The following AHCY variants were observed in gnomAD, a reference collection of about 807,000 sequenced individuals.
AHCY encodes the protein adenosylhomocysteinase, also known as S-adenosyl-L-homocysteine hydrolase.
In AHCY, 24 loss-of-function variants were observed where a neutral mutation model predicts 45.4. The ratio of observed to expected loss-of-function variants is 0.53; its 90% CI spans 0.38 to 0.74. The LOEUF is 0.74. Ranked by LOEUF, AHCY falls within the 30% of genes least tolerant of loss-of-function variation. The pLI, the probability that AHCY is intolerant of heterozygous loss-of-function variation, is 0.00. For missense variants in AHCY, 449 were observed against 594.1 expected (o/e 0.76, Z 2.54); for synonymous variants, 245 against 235.1 (o/e 1.04, Z -0.39).
the AHCY span, chr20:34,245,872 AT>A: frequency 1.0e-6 from 1 of 972,184 alleles, no homozygotes; most frequent in East Asian, 4.3e-5. Context: ...AAATATATAT[AT>A]ATGTATATAT....
At chr20:34,306,695 A>C (rs2036899939), upstream of AHCY, among the ~76,000 whole-genome samples, 1 of 152,178 alleles carries the variant, frequency 6.6e-6, no homozygotes, top group African/African-American at 2.4e-5. Flanking sequence ...TGAACAGTTA[A>C]ACAAATTGGT....
At chr20:34,236,167 A>G in the AHCY span, among the ~76,000 whole-genome samples, 3 of 151,486 alleles carry the variant, frequency 2.0e-5, no homozygotes, top group Non-Finnish European at 4.4e-5. Context: ...GGGAGGGAAA[A>G]GAAAGAAAGA....
intron 4 of AHCY, among the ~76,000 whole-genome samples, chr20:34,291,936 T>C (rs933054737): frequency 1.1e-4 from 16 of 152,380 alleles, no homozygotes; most frequent in Admixed American, 1.0e-3. Flanking sequence ...CACTTTTCTA[T>C]TGGCCTATTA....
chr20:34,249,812 G>T, the AHCY span, among the ~76,000 whole-genome samples: 1 of 152,200 alleles, frequency 6.6e-6, no homozygotes, highest in South Asian at 2.1e-4. Flanking sequence ...TTCAGGGCCA[G>T]AGAACCCATT....
the AHCY span, chr20:34,269,264 G>A: frequency 2.9e-6 from 4 of 1,383,590 alleles, no homozygotes; most frequent in Non-Finnish European, 2.8e-6. Flanking sequence ...CAGGGCTGCA[G>A]GCGGGCGGAG....
At chr20:34,305,459 C>G (rs555347129), upstream of AHCY, among the ~76,000 whole-genome samples, 3 of 152,190 alleles carry the variant, frequency 2.0e-5, no homozygotes, top group South Asian at 4.1e-4. Context: ...CCTGAGGGAA[C>G]GAGGGTCCAC....
At chr20:34,255,564 T>A in the AHCY span, among the ~76,000 whole-genome samples, 1 of 152,156 alleles carries the variant, frequency 6.6e-6, no homozygotes. Context: ...AGAAATAGAT[T>A]ATAGATGTGA....
the AHCY span, among the ~76,000 whole-genome samples, chr20:34,242,843 G>A: frequency 6.6e-6 from 1 of 152,216 alleles, no homozygotes; most frequent in Non-Finnish European, 1.5e-5. Context: ...TGCTTAATGA[G>A]TGCTTGTGCA....
At chr20:34,291,884 C>T (rs1485262213) in intron 4 of AHCY, among the ~76,000 whole-genome samples, 2 of 152,228 alleles carry the variant, frequency 1.3e-5, no homozygotes, top group Admixed American at 6.5e-5. Flanking sequence ...ATCTTCTCAA[C>T]GCCCTCCAGT....
the AHCY span, chr20:34,262,990 A>G: frequency 7.2e-7 from 1 of 1,398,134 alleles, no homozygotes. Context: ...TAAATGAAAG[A>G]TTTTTCAGGC....
At chr20:34,261,991 T>A in the AHCY span, among the ~76,000 whole-genome samples, 1 of 151,814 alleles carries the variant, frequency 6.6e-6, no homozygotes, top group African/African-American at 2.4e-5. Context: ...TACATGCCTG[T>A]AATCCCAGCT....
chr20:34,264,464 T>C, the AHCY span, among the ~76,000 whole-genome samples: 6 of 152,348 alleles, frequency 3.9e-5, no homozygotes, highest in East Asian at 9.6e-4. Flanking sequence ...TAATGCAATA[T>C]TGTAAACCTT....
intron 1 of AHCY, chr20:34,301,678 C>T: frequency 2.1e-6 from 1 of 468,650 alleles, no homozygotes; most frequent in Non-Finnish European, 2.8e-6. Flanking sequence ...ACCCAATGGC[C>T]CCAATCCTGA....
the AHCY span, among the ~76,000 whole-genome samples, chr20:34,237,245 G>GT: frequency 1.5e-3 from 211 of 140,564 alleles, 1 homozygote; most frequent in African/African-American, 6.4e-3. Flanking sequence ...TTTAGAATGG[G>GT]TTTTTTTTCT....
chr20:34,282,172 C>T (rs1343499022), intron 9 of AHCY, among the ~76,000 whole-genome samples: 1 of 152,056 alleles, frequency 6.6e-6, no homozygotes, highest in East Asian at 1.9e-4. Flanking sequence ...TGACTTTGGA[C>T]ACAAGTTCAT....
chr20:34,294,609 C>A (rs368658275), intron 2 of AHCY, among the ~76,000 whole-genome samples: 1 of 151,988 alleles, frequency 6.6e-6, no homozygotes, highest in African/African-American at 2.4e-5. Context: ...ATTGAGAGAA[C>A]CCAGAAGGCT....
intron 1 of AHCY, chr20:34,303,007 G>A: frequency 4.1e-6 from 4 of 985,446 alleles, no homozygotes; most frequent in South Asian, 4.7e-5. Context: ...CAGACCGCGC[G>A]GCGGCCCCGG....
chr20:34,241,056 T>C, the AHCY span, among the ~76,000 whole-genome samples: 1 of 152,182 alleles, frequency 6.6e-6, no homozygotes, highest in Non-Finnish European at 1.5e-5. Flanking sequence ...AAAGACGCTC[T>C]GCTTTGGCGA....
the AHCY span, among the ~76,000 whole-genome samples, chr20:34,259,311 G>A: frequency 6.6e-6 from 1 of 151,962 alleles, no homozygotes; most frequent in Admixed American, 6.6e-5. Context: ...ACAAGAGTTC[G>A]AGACCAGCCT....
Sources: gnomAD v4.1 joint callset for allele counts (sites outside exome capture counted in the v4.1 genomes callset) on GRCh38, gnomAD v4.1.1 for gene constraint, MANE v1.5 for transcripts, NCBI Gene and HGNC (gene_info 2026-07-23, HGNC 2026-07-21) for gene names.